The following PITPNC1 variants were observed in gnomAD, a reference collection of about 807,000 sequenced individuals.
The protein encoded by PITPNC1 is cytoplasmic phosphatidylinositol transfer protein 1.
PITPNC1 carries 18 observed loss-of-function variants against 44.7 expected under a neutral mutation model. The observed-to-expected ratio is 0.40, with a 90% CI of 0.28 to 0.60. The LOEUF (loss-of-function observed/expected upper bound fraction) is 0.60. Among genes scored for constraint, PITPNC1 ranks in the 20% least tolerant of loss-of-function variants. The probability of loss-of-function intolerance (pLI) is 0.39; values close to 1 mark genes in which losing one functional copy is unlikely to be tolerated. For missense variants in PITPNC1, 290 were observed against 418.4 expected, an observed-to-expected ratio of 0.69 and a Z score of 2.68; for synonymous variants, 141 against 149.6, an observed-to-expected ratio of 0.94 and a Z score of 0.42.
intron 6 of PITPNC1, among the ~76,000 whole-genome samples, chr17:67,661,472 C>T (rs2042346289): frequency 6.6e-6 from 1 of 152,114 alleles, no homozygotes; most frequent in Non-Finnish European, 1.5e-5. Flanking sequence ...CACCCCCAGG[C>T]CCACTGTCTT....
intron 1 of PITPNC1, among the ~76,000 whole-genome samples, chr17:67,484,313 T>C (rs898066490): frequency 1.3e-5 from 2 of 152,206 alleles, no homozygotes; most frequent in South Asian, 2.1e-4. Context: ...TCTCTAACTT[T>C]GCCTAATTAG....
At chr17:67,619,735 A>AC (rs1043795834) in intron 5 of PITPNC1, among the ~76,000 whole-genome samples, 2 of 145,008 alleles carry the variant, frequency 1.4e-5, no homozygotes. Context: ...CTCCCAGCTC[A>AC]CCCCCCACCC....
intron 2 of PITPNC1, among the ~76,000 whole-genome samples, chr17:67,539,571 G>T (rs2040576206): frequency 1.3e-5 from 2 of 152,216 alleles, no homozygotes; most frequent in South Asian, 4.1e-4. Context: ...CGGCACGATG[G>T]CTCACGCCTG....
rs544844761 is a variant in PITPNC1 at position 67,444,286 on chromosome 17, C to G, written c.48+66084C>G. ...GGTGGAAAGAAGAGATCACAATAGG[C>G]CGAGATCACGGGGAAGCTCTTGGAA... On this transcript the variant is annotated intron_variant, in intron 1 of 8. Coordinates refer to ENST00000581322, the MANE Select transcript of PITPNC1 (RefSeq NM_012417.4). 5.3e-5 allele frequency among the ~76,000 whole-genome samples: 8 copies of G among 152,156 alleles called. No individual in the cohort carries two copies. In the South Asian group the frequency reaches 1.4e-3, roughly 28 times the overall value.
chr17:67,528,492 T>C (rs1282709562), intron 1 of PITPNC1, among the ~76,000 whole-genome samples: 1 of 152,270 alleles, frequency 6.6e-6, no homozygotes, highest in Non-Finnish European at 1.5e-5. Context: ...AATCTTTCTA[T>C]GTCTTTGGAT....
chr17:67,670,885 C>T (rs1276679362), intron 7 of PITPNC1, among the ~76,000 whole-genome samples: 1 of 151,758 alleles, frequency 6.6e-6, no homozygotes, highest in Non-Finnish European at 1.5e-5. Flanking sequence ...GTTGTTGTTG[C>T]TGCTGCTGTT....
chr17:67,674,008 A>G (rs912786924), intron 7 of PITPNC1, among the ~76,000 whole-genome samples: 1 of 151,728 alleles, frequency 6.6e-6, no homozygotes, highest in East Asian at 1.9e-4. Flanking sequence ...GAAAAATTGA[A>G]TCAATATTTA....
Position 67,572,951 on chromosome 17 carries a change from C to G in PITPNC1, c.295-5235C>G, listed in dbSNP as rs921084656. On this transcript the variant is annotated intron_variant, in intron 4 of 8. Coordinates refer to ENST00000581322, the MANE Select transcript of PITPNC1 (RefSeq NM_012417.4). ...ATGCACCCACTCCCGGTGCCACCAACAGCTGGAAGAGACAAGGACAGATTC... is the reference window on the plus strand; with the variant it reads ...ATGCACCCACTCCCGGTGCCACCAAGAGCTGGAAGAGACAAGGACAGATTC... Among the ~76,000 whole-genome samples the G allele has an allele frequency of 1.1e-4, 16 of 152,254 alleles. No homozygotes were observed. The Middle Eastern group carries it at 0.014, about 129-fold the overall frequency.
At chr17:67,450,494 C>T (rs1274826713) in intron 1 of PITPNC1, among the ~76,000 whole-genome samples, 1 of 151,938 alleles carries the variant, frequency 6.6e-6, no homozygotes, top group Non-Finnish European at 1.5e-5. Context: ...GGTGTGATCA[C>T]AATTCACTGC....
At chr17:67,680,867 G>A (rs1262637498) in intron 8 of PITPNC1, among the ~76,000 whole-genome samples, 5 of 152,190 alleles carry the variant, frequency 3.3e-5, no homozygotes, top group African/African-American at 1.2e-4. Flanking sequence ...GGGCCTCCCT[G>A]ACCCAACTAC....
chr17:67,436,080 A>G lies in PITPNC1; in HGVS notation c.48+57878A>G, dbSNP rs142365464. Among the ~76,000 whole-genome samples the G allele has an allele frequency of 3.4e-3, 521 of 151,976 alleles. 4 individuals carry two copies. Among genetic ancestry groups the G allele is most frequent in the African/African-American group, 0.012 (480 of 41,406 alleles). ...TGATCATAGCTCACTGCAGCCTCCA[A>G]TTCCTGGGCTCAAGGGATCCTCCTG... On this transcript the variant is annotated intron_variant, in intron 1 of 8. Transcript: ENST00000581322.
chr17:67,553,722 A>T (rs1039180559), intron 4 of PITPNC1, 105 bp downstream of exon 4: 1 of 474,964 alleles, frequency 2.1e-6, no homozygotes. Context: ...TAAAAAGGGG[A>T]ATAATTCCAA....
At chr17:67,513,081 A>C (rs1309805289) in intron 1 of PITPNC1, among the ~76,000 whole-genome samples, 1 of 152,042 alleles carries the variant, frequency 6.6e-6, no homozygotes, top group Non-Finnish European at 1.5e-5. Flanking sequence ...ATATATAGTA[A>C]GGCTGGGCAC....
intron 4 of PITPNC1, among the ~76,000 whole-genome samples, chr17:67,564,161 GTGGA>G (rs113903369): frequency 0.66 from 97,324 of 148,388 alleles, 33,342 homozygotes; most frequent in Middle Eastern, 0.81. Flanking sequence ...GGTAGATTGG[GTGGA>G]TGGATGGATG....
At chr17:67,677,140 C>T (rs1439659246) in intron 8 of PITPNC1, among the ~76,000 whole-genome samples, 1 of 152,140 alleles carries the variant, frequency 6.6e-6, no homozygotes, top group Non-Finnish European at 1.5e-5. Context: ...AGAGGGAGCA[C>T]AGACCCCAAG....
At position 67,428,017 on chromosome 17, in the gene PITPNC1, T is replaced by C. The variant is rs114955599; in HGVS notation, c.48+49815T>C. Among the ~76,000 whole-genome samples the C allele has an allele frequency of 4.3e-3, 652 of 152,280 alleles. 9 individuals are homozygous for C. The highest frequency in any genetic ancestry group is 0.015 in the African/African-American group (616 of 41,560). On this transcript the variant is annotated intron_variant, in intron 1 of 8. Coordinates refer to ENST00000581322, the MANE Select transcript of PITPNC1 (RefSeq NM_012417.4). ...TATTTTTTACAGATGGGGTTCTCGA[T>C]GTGTTGCCCACGCTAGAGTGCAGTG...
At chr17:67,435,282 A>T (rs1825264949) in intron 1 of PITPNC1, among the ~76,000 whole-genome samples, 1 of 152,158 alleles carries the variant, frequency 6.6e-6, no homozygotes, top group Non-Finnish European at 1.5e-5. Flanking sequence ...AAGCCACAGA[A>T]CAGTGGCTGG....
Position 67,694,758 on chromosome 17 carries a change from T to C in PITPNC1, c.*1870T>C, listed in dbSNP as rs2042984357. The C allele has an allele frequency of 6.6e-6, 1 of 152,204 alleles. No homozygotes were observed. The highest frequency in any genetic ancestry group is 2.4e-5 in the African/African-American group (1 of 41,456). 9.4% of individuals were successfully genotyped at this position (152,204 alleles called of 1,614,324 possible). On this transcript the variant is annotated 3_prime_UTR_variant, in exon 9 of 9. Coordinates refer to ENST00000581322, the MANE Select transcript of PITPNC1 (RefSeq NM_012417.4). The stretch of plus-strand genomic sequence containing the variant: ...GGTATGGAAGCATGATTTTTGCTTG[T>C]GGGAAAACCTAATATTTTATCAGAC...
chr17:67,402,962 T>C (rs1283370072), intron 1 of PITPNC1, among the ~76,000 whole-genome samples: 2 of 152,088 alleles, frequency 1.3e-5, no homozygotes, highest in Non-Finnish European at 2.9e-5. Flanking sequence ...CCACCGCGCC[T>C]AGCCTGACCA....
Sources: gnomAD v4.1 joint callset for allele counts (sites outside exome capture counted in the v4.1 genomes callset) on GRCh38, gnomAD v4.1.1 for gene constraint, MANE v1.5 for transcripts, NCBI Gene and HGNC (gene_info 2026-07-23, HGNC 2026-07-21) for gene names.